The following HIP1 variants were observed in gnomAD, a reference collection of about 807,000 sequenced individuals.
HIP1 encodes the protein huntingtin-interacting protein 1.
In HIP1, 65 loss-of-function variants were observed where a neutral mutation model predicts 147.6. That is an observed-to-expected ratio of 0.44 (90% CI 0.36 to 0.54). HIP1 has a LOEUF of 0.54. Ranked by LOEUF, HIP1 falls within the 20% of genes least tolerant of loss-of-function variation. HIP1 has a pLI of 0.00. For synonymous variants in HIP1, 479 were observed against 504.0 expected, an observed-to-expected ratio of 0.95 and a Z score of 0.67; for missense variants, 1,061 against 1,299.6, an observed-to-expected ratio of 0.82 and a Z score of 2.82.
intron 1 of HIP1, among the ~76,000 whole-genome samples, chr7:75,716,520 AC>A (rs1801323489): frequency 8.4e-6 from 1 of 119,562 alleles, no homozygotes; most frequent in South Asian, 2.6e-4. Context: ...CCGTGCCTGG[AC>A]TTTTTTTTTT....
intron 1 of HIP1, among the ~76,000 whole-genome samples, chr7:75,632,769 C>T (rs587710806): frequency 6.6e-6 from 1 of 152,108 alleles, no homozygotes; most frequent in African/African-American, 2.4e-5. Flanking sequence ...TGCAACTGAC[C>T]GTAGTAAAAA....
rs918819785 is a variant in HIP1, at chr7:75,539,334, C to G, written c.3050G>C (p.Gly1017Ala). Residue 1017 changes from glycine (G) to alanine (A), a missense_variant, in exon 30 of 31, where the codon GGC (glycine) becomes GCC (alanine). This residue lies in a region of HIP1 where 810 missense variants were observed against 946.8 expected (regional missense o/e 0.86). Transcript: ENST00000336926. Reference sequence around the variant, plus strand: ...TGGAGTCAGCTTACCTTCTTCCCAGCCCTCAGCAACACCAGCAAGCTCGTA... The same window carrying G: ...TGGAGTCAGCTTACCTTCTTCCCAGGCCTCAGCAACACCAGCAAGCTCGTA... ...KHYELAGVAE[G>A]WEEGTEASPP... is the part of the protein sequence containing the mutation. 1.2e-6 allele frequency: 2 copies of G among 1,613,578 alleles called. No individual in the cohort carries two copies. The highest frequency in any genetic ancestry group is 2.2e-5 in the South Asian group (2 of 91,078).
At chr7:75,738,226 TGCTCCGACCCCTTCCGCCCG>T in intron 1 of HIP1, among the ~76,000 whole-genome samples, 1 of 151,390 alleles carries the variant, frequency 6.6e-6, no homozygotes, top group East Asian at 2.0e-4. Context: ...TCCTTTTCCC[TGCTCCGACCCCTTCCGCCCG>T]GCCTCAGAGC....
At position 75,555,339 on chromosome 7, in the gene HIP1, T is replaced by G. The variant is rs1234178694; in HGVS notation, c.1963+77A>C. 4 of 1,564,654 alleles carry G rather than the reference T, an allele frequency of 2.6e-6. No individual in the cohort carries two copies. In the Admixed American group the frequency reaches 6.9e-5, roughly 27 times the overall value. On this transcript the variant is annotated intron_variant, in intron 19 of 30. Transcript: ENST00000336926. ...GGGCTGAGAGCCCCTGAGCTAAGTC[T>G]CACATGAGATTCAACATCAACAGAG...
chr7:75,543,011 C>G, intron 27 of HIP1, 37 bp from the exon 28 acceptor site: 1 of 1,587,340 alleles, frequency 6.3e-7, no homozygotes, highest in Non-Finnish European at 8.6e-7. Context: ...CATACAACAC[C>G]TAGAGCAACA....
chr7:75,690,601 G>C (rs1209464609), intron 1 of HIP1, among the ~76,000 whole-genome samples: 1 of 151,872 alleles, frequency 6.6e-6, no homozygotes, highest in Non-Finnish European at 1.5e-5. Flanking sequence ...GGTGGCTCAT[G>C]CCTGTAATCC....
At chr7:75,649,758 A>T (rs1204959537) in intron 1 of HIP1, among the ~76,000 whole-genome samples, 1 of 152,188 alleles carries the variant, frequency 6.6e-6, no homozygotes, top group Non-Finnish European at 1.5e-5. Flanking sequence ...TGAGGGCTGC[A>T]GGAAGCAAGG....
chr7:75,553,427 C>G, intron 22 of HIP1, 26 bp downstream of exon 22: 7 of 1,610,198 alleles, frequency 4.3e-6, no homozygotes, highest in Non-Finnish European at 5.9e-6. Context: ...AATAACAATG[C>G]TCCTCAATGA....
At chr7:75,622,242 A>G (rs1169044280) in intron 1 of HIP1, among the ~76,000 whole-genome samples, 1 of 151,876 alleles carries the variant, frequency 6.6e-6, no homozygotes, top group Non-Finnish European at 1.5e-5. Flanking sequence ...ATGCCACTGC[A>G]CTCTAGCCTG....
At chr7:75,595,256 C>CTTCG in intron 2 of HIP1, among the ~76,000 whole-genome samples, 2 of 83,960 alleles carry the variant, frequency 2.4e-5, no homozygotes, top group African/African-American at 8.4e-5. Context: ...TTCTTTCTTC[C>CTTCG]TTCCTTCCTT....
At chr7:75,702,077 C>T (rs1465717202) in intron 1 of HIP1, among the ~76,000 whole-genome samples, 3 of 150,842 alleles carry the variant, frequency 2.0e-5, no homozygotes, top group Non-Finnish European at 4.4e-5. Flanking sequence ...CTACAGGTGC[C>T]TGCCACCATA....
chr7:75,674,793 C>CT (rs1264188314), intron 1 of HIP1, among the ~76,000 whole-genome samples: 123 of 142,748 alleles, frequency 8.6e-4, no homozygotes, highest in East Asian at 1.0e-3. Context: ...GCCAGGCCGG[C>CT]TTTTTTTTTT....
Position 75,703,628 on chromosome 7 carries a change from A to C in HIP1, c.120+35173T>G, listed in dbSNP as rs191101255. ...AAAAAAAAAAACAAAACAAAACAACACACACAAAACAAACAAACAAAAAAG... is the reference window on the plus strand; with the variant it reads ...AAAAAAAAAAACAAAACAAAACAACCCACACAAAACAAACAAACAAAAAAG... On this transcript the variant is annotated intron_variant, in intron 1 of 30. Transcript: ENST00000336926. Among the ~76,000 whole-genome samples, 27 of 152,154 alleles carry C rather than the reference A, an allele frequency of 1.8e-4. No homozygotes were observed. In the East Asian group the frequency reaches 2.7e-3, roughly 15 times the overall value.
intron 1 of HIP1, among the ~76,000 whole-genome samples, chr7:75,716,918 C>T (rs1801342390): frequency 6.6e-6 from 1 of 151,774 alleles, no homozygotes; most frequent in Non-Finnish European, 1.5e-5. Context: ...CAGGCTCAAG[C>T]GACCCTCCCA....
At chr7:75,601,457 C>G (rs1019112474) in intron 1 of HIP1, among the ~76,000 whole-genome samples, 1 of 151,758 alleles carries the variant, frequency 6.6e-6, no homozygotes, top group African/African-American at 2.4e-5. Context: ...GGCGTGGTGA[C>G]GGGCGCCTGT....
At chr7:75,698,676 C>T (rs183791570) in intron 1 of HIP1, among the ~76,000 whole-genome samples, 1 of 151,468 alleles carries the variant, frequency 6.6e-6, no homozygotes, top group East Asian at 1.9e-4. Context: ...TTTTTTAAGT[C>T]AGGCACAGTG....
intron 7 of HIP1, 103 bp from the exon 8 acceptor site, chr7:75,574,004 T>C (rs990972217): frequency 1.6e-5 from 15 of 946,332 alleles, no homozygotes; most frequent in East Asian, 2.5e-5. Context: ...AAGGACCGAT[T>C]CTGTGCGTGC....
intron 1 of HIP1, among the ~76,000 whole-genome samples, chr7:75,686,843 C>CTTTTTTTTTTTT (rs55942242): frequency 1.2e-5 from 1 of 80,140 alleles, no homozygotes; most frequent in Non-Finnish European, 2.3e-5. Flanking sequence ...TATTTTAGTT[C>CTTTTTTTTTTTT]TTTTTTTTTT....
At chr7:75,629,102 AAG>A (rs1465493616) in intron 1 of HIP1, among the ~76,000 whole-genome samples, 1 of 152,202 alleles carries the variant, frequency 6.6e-6, no homozygotes, top group African/African-American at 2.4e-5. Context: ...GAGTCCTCCA[AAG>A]AGAGGTTAAG....
Sources: allele counts gnomAD v4.1 joint callset (sites outside exome capture counted in the v4.1 genomes callset), GRCh38; gene constraint gnomAD v4.1.1; regional missense constraint gnomAD v4.1.1; transcripts MANE v1.5; gene names NCBI Gene and HGNC (gene_info 2026-07-23, HGNC 2026-07-21).